The following PTK2B variants were observed in gnomAD, a reference collection of about 807,000 sequenced individuals.
PTK2B encodes the protein protein-tyrosine kinase 2-beta.
In PTK2B, 71 loss-of-function variants were observed where a neutral mutation model predicts 142.9. The observed-to-expected ratio is 0.50, with a 90% confidence interval of 0.41 to 0.61. The LOEUF (loss-of-function observed/expected upper bound fraction) is 0.61. Among genes scored for constraint, PTK2B ranks in the 20% least tolerant of loss-of-function variants. The pLI, the probability that PTK2B is intolerant of heterozygous loss-of-function variation, is 0.00. For missense variants in PTK2B, 1,105 were observed against 1,320.4 expected (o/e 0.84, Z 2.53); for synonymous variants, 519 against 503.4 (o/e 1.03, Z -0.42).
chr8:27,345,119 C>T (rs1404179468), intron 1 of PTK2B, among the ~76,000 whole-genome samples: 28 of 152,130 alleles, frequency 1.8e-4, no homozygotes, highest in Non-Finnish European at 3.5e-4. Flanking sequence ...GCCAAGATGG[C>T]GCCACTGCAC....
chr8:27,390,436 A>C lies in PTK2B; in HGVS notation c.-37-7112A>C, dbSNP rs569116888. ...GATCACTTGAGGCCGGGAGTTCAAG[A>C]CCAGCCTGGGCAACATAGAGAAACC... On this transcript the variant is annotated intron_variant, in intron 1 of 30. Transcript: ENST00000346049. Among the ~76,000 whole-genome samples, 51 of 152,216 alleles carry C rather than the reference A, an allele frequency of 3.4e-4. 1 individual carries two copies. Among genetic ancestry groups the C allele is most frequent in the Middle Eastern group, 3.4e-3 (1 of 294 alleles).
At chr8:27,326,219 CGTGTGT>C (rs1803406343) in intron 1 of PTK2B, among the ~76,000 whole-genome samples, 1 of 125,910 alleles carries the variant, frequency 7.9e-6, no homozygotes, top group Non-Finnish European at 1.7e-5. Context: ...CAGGGGAGCT[CGTGTGT>C]ATGTGTGTGT....
At chr8:27,430,340 C>T in intron 6 of PTK2B, 24 bp from the exon 7 acceptor site, 1 of 1,614,102 alleles carries the variant, frequency 6.2e-7, no homozygotes, top group Non-Finnish European at 8.5e-7. Flanking sequence ...GAGTCACATG[C>T]TGCCTTTTTC....
chr8:27,439,557 C>T (rs1811024976), intron 20 of PTK2B, among the ~76,000 whole-genome samples, 159 bp downstream of exon 20: 1 of 151,960 alleles, frequency 6.6e-6, no homozygotes, highest in South Asian at 2.1e-4. Flanking sequence ...GTGGGGAGGC[C>T]AGTAGGGGTA....
At chr8:27,415,126 C>T (rs35152482) in intron 2 of PTK2B, among the ~76,000 whole-genome samples, 6,724 of 152,208 alleles carry the variant, frequency 0.044, 227 homozygotes, top group Non-Finnish European at 0.066. Flanking sequence ...AAGCACCGTT[C>T]TATGGAGTTT....
intron 2 of PTK2B, among the ~76,000 whole-genome samples, chr8:27,405,872 C>T (rs1031763662): frequency 6.6e-6 from 1 of 152,240 alleles, no homozygotes; most frequent in Non-Finnish European, 1.5e-5. Context: ...GTTCTTCAAT[C>T]ACTTATTTTA....
chr8:27,361,877 C>T (rs951464400), intron 1 of PTK2B, among the ~76,000 whole-genome samples: 3 of 152,246 alleles, frequency 2.0e-5, no homozygotes, highest in Non-Finnish European at 4.4e-5. Context: ...CTGATAACCC[C>T]GATGATGCAG....
intron 1 of PTK2B, among the ~76,000 whole-genome samples, chr8:27,374,641 G>A (rs1300698525): frequency 6.6e-6 from 1 of 152,178 alleles, no homozygotes; most frequent in Non-Finnish European, 1.5e-5. Context: ...TTGGATAGTG[G>A]CCTCCAGTGT....
chr8:27,378,744 C>G (rs1356189409), intron 1 of PTK2B, among the ~76,000 whole-genome samples: 1 of 151,966 alleles, frequency 6.6e-6, no homozygotes, highest in Non-Finnish European at 1.5e-5. Context: ...AGACATAACC[C>G]CCACACTCTA....
At chr8:27,433,608 C>A (rs199515216) in intron 11 of PTK2B, 56 bp downstream of exon 11, 31 of 1,437,960 alleles carry the variant, frequency 2.2e-5, no homozygotes, top group Non-Finnish European at 2.9e-5. Context: ...ACACCCGAGT[C>A]CCCAGAGGCG....
chr8:27,372,672 G>A (rs1016163404), intron 1 of PTK2B, among the ~76,000 whole-genome samples: 13 of 152,138 alleles, frequency 8.5e-5, no homozygotes, highest in Admixed American at 5.2e-4. Flanking sequence ...AACCATGACA[G>A]GGAGCAATGG....
At chr8:27,429,841 C>T (rs969810015) in intron 5 of PTK2B, among the ~76,000 whole-genome samples, 1 of 152,216 alleles carries the variant, frequency 6.6e-6, no homozygotes, top group Non-Finnish European at 1.5e-5. Flanking sequence ...TCCTCCTCAG[C>T]CCAGTATCTG....
chr8:27,370,147 A>G (rs1425911258), intron 1 of PTK2B, among the ~76,000 whole-genome samples: 2 of 152,206 alleles, frequency 1.3e-5, no homozygotes, highest in Non-Finnish European at 2.9e-5. Context: ...GTACCTGGCT[A>G]TATCATTATC....
Position 27,420,094 on chromosome 8 carries a change from T to G in PTK2B, c.383+21T>G, listed in dbSNP as rs368223104. On this transcript the variant is annotated intron_variant, in intron 3 of 30. Coordinates refer to ENST00000346049, the MANE Select transcript of PTK2B (RefSeq NM_173176.3). ...TGGAGGTAGGAGTGGATTCCTGGGC[T>G]CTGGAAGTGGGAAGGAGAGGAATTT... is the stretch of plus-strand genomic sequence containing the variant. 3.7e-6 allele frequency: 6 copies of G among 1,612,244 alleles called. No homozygotes were observed. The Middle Eastern group carries it at 6.6e-4, about 178-fold the overall frequency.
chr8:27,450,752 G>A lies in PTK2B; in HGVS notation c.2344G>A (p.Glu782Lys), dbSNP rs765187369. 1.2e-6 allele frequency: 2 copies of A among 1,614,198 alleles called. No individual in the cohort carries two copies. Among genetic ancestry groups the A allele is most frequent in the Admixed American group, 1.7e-5 (1 of 60,028 alleles). The change falls in exon 25 of 31, where the codon GAG becomes AAG. Residue 782 changes from glutamate to lysine, a missense_variant. By Grantham distance (56) the Glu-to-Lys change is moderately conservative. Transcript: ENST00000346049. ...NVFKRHSMREEDFIQPSSREE... is the reference protein window; with the variant it reads ...NVFKRHSMREKDFIQPSSREE... ...CTTCTCTCTGCCGTCCTCCCAGGAG[G>A]AGGACTTCATCCAACCCAGCAGCCG...
chr8:27,330,962 A>T (rs965467863), intron 1 of PTK2B, among the ~76,000 whole-genome samples: 1 of 152,128 alleles, frequency 6.6e-6, no homozygotes, highest in Non-Finnish European at 1.5e-5. Context: ...AATGGCCAAT[A>T]CCTGCGGGAG....
intron 1 of PTK2B, among the ~76,000 whole-genome samples, chr8:27,387,903 C>A (rs969980394): frequency 7.2e-5 from 11 of 151,802 alleles, no homozygotes; most frequent in Non-Finnish European, 1.5e-4. Flanking sequence ...GCATGACTTA[C>A]CAGCCTGTGA....
At chr8:27,320,210 C>T (rs1178882393) in intron 3 of PTK2B, among the ~76,000 whole-genome samples, 1 of 152,154 alleles carries the variant, frequency 6.6e-6, no homozygotes, top group Non-Finnish European at 1.5e-5. Context: ...TTTCCCTCTT[C>T]ACCCAATAAA....
Position 27,432,294 on chromosome 8 carries a change from C to A in PTK2B, c.920C>A (p.Ser307Tyr). The A allele has an allele frequency of 6.2e-7, 1 of 1,614,086 alleles. No individual in the cohort carries two copies. The highest frequency in any genetic ancestry group is 1.1e-5 in the South Asian group (1 of 91,066). The change falls in exon 10 of 31, where the codon TCC (serine) becomes TAC (tyrosine). Residue 307 changes from serine (S) to tyrosine (Y), a missense_variant. Coordinates refer to ENST00000346049, the MANE Select transcript of PTK2B (RefSeq NM_173176.3). ...CTGGCCGAGTTCAAGCAGATCAGGT[C>A]CATCAGGTGCCTCCCGCTGGAGGAG... ...TCLAEFKQIR[S>Y]IRCLPLEEGQ...
Sources: gnomAD v4.1 joint callset for allele counts (sites outside exome capture counted in the v4.1 genomes callset) on GRCh38, gnomAD v4.1.1 for gene constraint, MANE v1.5 for transcripts, NCBI Gene and HGNC (gene_info 2026-07-23, HGNC 2026-07-21) for gene names.